The following DSCAM variants were observed in gnomAD, a reference collection of about 807,000 sequenced individuals.
The protein encoded by DSCAM is DS cell adhesion molecule, also known as cell adhesion molecule DSCAM.
In DSCAM, 47 loss-of-function variants were observed where a neutral mutation model predicts 217.7. That is an observed-to-expected ratio of 0.22 (90% CI 0.17 to 0.28). DSCAM has a LOEUF of 0.28. Among genes scored for constraint, DSCAM ranks in the 10% least tolerant of loss-of-function variants. The probability of loss-of-function intolerance (pLI) is 1.00; values close to 1 mark genes in which losing one functional copy is unlikely to be tolerated. For missense variants in DSCAM, 2,080 were observed against 2,618.3 expected (o/e 0.79, Z 4.49); for synonymous variants, 1,056 against 1,015.3 (o/e 1.04, Z -0.76).
At chr21:40,489,112 C>T (rs1568846818) in intron 3 of DSCAM, among the ~76,000 whole-genome samples, 1 of 152,194 alleles carries the variant, frequency 6.6e-6, no homozygotes, top group Non-Finnish European at 1.5e-5. Flanking sequence ...AGCTAGGCCA[C>T]AGGGGGCCCA....
intron 3 of DSCAM, among the ~76,000 whole-genome samples, chr21:40,598,372 G>C (rs1383283637): frequency 6.6e-6 from 1 of 151,888 alleles, no homozygotes; most frequent in Non-Finnish European, 1.5e-5. Context: ...GTTGCCTTTA[G>C]TAAACATTCA....
Position 40,773,629 on chromosome 21 carries a change from T to C in DSCAM, c.44-64858A>G, listed in dbSNP as rs963470405. 1.3e-5 allele frequency among the ~76,000 whole-genome samples: 2 copies of C among 152,158 alleles called. 1 individual carries two copies. Among genetic ancestry groups the C allele is most frequent in the South Asian group, 4.1e-4 (2 of 4,824 alleles). ...CAACCCACTACACCAACCTAACACA[T>C]TTCAGCAAAGTGCCTACAAGCCAAG... On this transcript the variant is annotated intron_variant, in intron 1 of 32. Transcript: ENST00000400454.
Position 40,083,967 on chromosome 21 carries a change from G to T in DSCAM, c.4172C>A (p.Thr1391Lys). The change falls in exon 24 of 33, where the codon ACG becomes AAG. Residue 1391 changes from threonine to lysine, a missense_variant. Transcript: ENST00000400454. ...CCAAGAAAGGGTGATGGAGGAAGAC[G>T]TGGTCTTGGAGACTGTAAGCCGAGG... ...DQPRLTVSKTTSSSITLSWLP... is the reference protein window; with the variant it reads ...DQPRLTVSKTKSSSITLSWLP... The T allele has an allele frequency of 6.2e-7, 1 of 1,613,792 alleles. No individual in the cohort carries two copies.
Position 40,387,148 on chromosome 21 carries a change from G to A in DSCAM, c.509-17903C>T, listed in dbSNP as rs146077942. The stretch of plus-strand genomic sequence containing the variant: ...ATGAACAGCAGGTTTCTCAGGTAAG[G>A]AAAGCCCTCTGGGCTCTATAAAGGA... On this transcript the variant is annotated intron_variant, in intron 3 of 32. Coordinates refer to ENST00000400454, the MANE Select transcript of DSCAM (RefSeq NM_001389.5). 2.4e-4 allele frequency among the ~76,000 whole-genome samples: 36 copies of A among 152,228 alleles called. 4 individuals carry two copies. The East Asian group carries it at 5.0e-3, about 21-fold the overall frequency.
intron 3 of DSCAM, among the ~76,000 whole-genome samples, chr21:40,548,594 C>T (rs930927006): frequency 3.7e-4 from 56 of 151,912 alleles, no homozygotes; most frequent in East Asian, 1.9e-3. Flanking sequence ...CTCAATAGCA[C>T]GTGCAATTTC....
At chr21:40,598,497 G>GTTTTTTTTTTTTT (rs71186947) in intron 3 of DSCAM, among the ~76,000 whole-genome samples, 1 of 66,790 alleles carries the variant, frequency 1.5e-5, no homozygotes, top group Non-Finnish European at 2.6e-5. Context: ...CTGCCAAACT[G>GTTTTTTTTTTTTT]TTTTTTTTTT....
At chr21:40,145,310 A>G (rs1216615927) in intron 16 of DSCAM, among the ~76,000 whole-genome samples, 1 of 152,202 alleles carries the variant, frequency 6.6e-6, no homozygotes, top group Admixed American at 6.5e-5. Context: ...CTAAGGAAAT[A>G]TCCCAGAATC....
At chr21:40,593,939 C>T (rs1003979703) in intron 3 of DSCAM, among the ~76,000 whole-genome samples, 6 of 152,178 alleles carry the variant, frequency 3.9e-5, no homozygotes, top group African/African-American at 1.4e-4. Flanking sequence ...TTAATCGACT[C>T]CTATGAACAC....
intron 1 of DSCAM, among the ~76,000 whole-genome samples, chr21:40,746,523 C>T (rs960467205): frequency 6.6e-6 from 1 of 151,538 alleles, no homozygotes; most frequent in Admixed American, 6.6e-5. Flanking sequence ...ATGTATGCAC[C>T]CAAAACTGGG....
In DSCAM at chr21:40,360,121, G is replaced by GTTTTTTTTTTTTTTTTT. The variant is rs764160478; in HGVS notation, c.656-6379_656-6378insAAAAAAAAAAAAAAAAA. Among the ~76,000 whole-genome samples, 20 of 82,656 alleles carry GTTTTTTTTTTTTTTTTT rather than the reference G, an allele frequency of 2.4e-4. 10 individuals are homozygous for GTTTTTTTTTTTTTTTTT. Among genetic ancestry groups the GTTTTTTTTTTTTTTTTT allele is most frequent in the African/African-American group, 3.0e-4 (6 of 19,900 alleles). 54.2% of individuals were successfully genotyped at this position (82,656 alleles called of 152,430 possible). A position where few individuals can be genotyped will look rare whatever the true frequency, so the allele number is the denominator to read the frequency against. ...TAGTGAGCATGGTACTTCATAGGTA[G>GTTTTTTTTTTTTTTTTT]TCTTTTTTTTTTTTTTTTTTTTTTT... On this transcript the variant is annotated intron_variant, in intron 4 of 32. Coordinates refer to ENST00000400454, the MANE Select transcript of DSCAM (RefSeq NM_001389.5).
At chr21:40,698,494 G>T (rs542602058) in intron 2 of DSCAM, among the ~76,000 whole-genome samples, 1 of 152,298 alleles carries the variant, frequency 6.6e-6, no homozygotes, top group Non-Finnish European at 1.5e-5. Context: ...AACTGGGGGA[G>T]GGACTTGCTT....
chr21:40,048,505 A>ATGAT (rs1042283385), intron 30 of DSCAM, among the ~76,000 whole-genome samples: 1 of 152,220 alleles, frequency 6.6e-6, no homozygotes, highest in African/African-American at 2.4e-5. Flanking sequence ...GCAAATTGTT[A>ATGAT]TGATTTCTTC....
At chr21:40,640,939 A>G (rs1477018450) in intron 3 of DSCAM, among the ~76,000 whole-genome samples, 1 of 152,212 alleles carries the variant, frequency 6.6e-6, no homozygotes, top group African/African-American at 2.4e-5. Context: ...AAAGCAATTT[A>G]GGAAATTATT....
chr21:40,746,134 A>G (rs1400620174), intron 1 of DSCAM, among the ~76,000 whole-genome samples: 3 of 151,976 alleles, frequency 2.0e-5, no homozygotes. Context: ...AAGAGATGAA[A>G]CAAGGTAGAA....
In DSCAM at chr21:40,347,774, T is replaced by G. The variant is rs375829603; in HGVS notation, c.1106A>C (p.Asn369Thr). ...TTTGACCATGTGATCCATTATAAGGTTTTCGTGGTTGATCCCTGTGATCCT... is the reference window on the plus strand; with the variant it reads ...TTTGACCATGTGATCCATTATAAGGGTTTCGTGGTTGATCCCTGTGATCCT... ...NVRITGINHE[N>T]LIMDHMVKSD... Residue 369 changes from asparagine to threonine, a missense_variant, in exon 6 of 33, where the codon AAC becomes ACC. By Grantham distance (65) the Asn-to-Thr change is moderately conservative (BLOSUM62 0). Coordinates refer to ENST00000400454, the MANE Select transcript of DSCAM (RefSeq NM_001389.5). 5.6e-6 allele frequency: 9 copies of G among 1,614,156 alleles called. No individual in the cohort carries two copies. The highest frequency in any genetic ancestry group is 7.6e-6 in the Non-Finnish European group (9 of 1,180,024).
chr21:40,550,367 A>G (rs955305166), intron 3 of DSCAM, among the ~76,000 whole-genome samples: 32 of 152,194 alleles, frequency 2.1e-4, no homozygotes, highest in Non-Finnish European at 4.6e-4. Flanking sequence ...TCTACTAAAA[A>G]TACAAAAATT....
chr21:40,093,912 AGCATGTGGC>A (rs1203113984), intron 20 of DSCAM, 38 bp from the exon 21 acceptor site: 5 of 1,591,402 alleles, frequency 3.1e-6, no homozygotes, highest in African/African-American at 2.7e-5. Flanking sequence ...CATTCAAAGA[AGCATGTGGC>A]AAAAATGGAT....
chr21:40,408,258 G>T (rs1176226622), intron 3 of DSCAM, among the ~76,000 whole-genome samples: 1 of 152,086 alleles, frequency 6.6e-6, no homozygotes, highest in Non-Finnish European at 1.5e-5. Context: ...TGATGAGAAA[G>T]AAAGAATGGT....
intron 4 of DSCAM, among the ~76,000 whole-genome samples, chr21:40,367,863 T>A (rs2074850778): frequency 6.6e-6 from 1 of 152,174 alleles, no homozygotes; most frequent in African/African-American, 2.4e-5. Context: ...TAGGCAATCC[T>A]AGGACTCCCA....
Sources: gnomAD v4.1 joint callset for allele counts (sites outside exome capture counted in the v4.1 genomes callset) on GRCh38, gnomAD v4.1.1 for gene constraint, MANE v1.5 for transcripts, NCBI Gene and HGNC (gene_info 2026-07-23, HGNC 2026-07-21) for gene names.